CDH12: variants seen among roughly 807,000 people sequenced by gnomAD.
The protein encoded by CDH12 is cadherin-12.
CDH12 carries 41 observed loss-of-function variants against 74.1 expected under a neutral mutation model. The ratio of observed to expected loss-of-function variants is 0.55; its 90% CI spans 0.43 to 0.72. The LOEUF (loss-of-function observed/expected upper bound fraction) is 0.72. Among genes scored for constraint, CDH12 ranks in the 30% least tolerant of loss-of-function variants. CDH12 has a pLI of 0.00. For synonymous variants in CDH12, 399 were observed against 355.0 expected (o/e 1.12, Z -1.39); for missense variants, 945 against 977.2 (o/e 0.97, Z 0.44).
intron 8 of CDH12, among the ~76,000 whole-genome samples, chr5:21,822,869 TTTC>T (rs1306545296): frequency 6.6e-6 from 1 of 152,160 alleles, no homozygotes; most frequent in Non-Finnish European, 1.5e-5. Flanking sequence ...AATAGCAATA[TTTC>T]TTGTCTCTGA....
At chr5:22,214,953 C>G (rs910399883) in intron 3 of CDH12, among the ~76,000 whole-genome samples, 5 of 152,124 alleles carry the variant, frequency 3.3e-5, no homozygotes, top group Non-Finnish European at 5.9e-5. Context: ...TGAAAGTACA[C>G]ACATGAAGAA....
intron 5 of CDH12, among the ~76,000 whole-genome samples, chr5:22,036,040 T>C (rs1359725488): frequency 1.3e-5 from 2 of 152,148 alleles, no homozygotes; most frequent in Non-Finnish European, 2.9e-5. Context: ...GGCATTGACA[T>C]ATAAGGGCCA....
intron 5 of CDH12, among the ~76,000 whole-genome samples, chr5:22,011,284 A>C (rs544680325): frequency 1.2e-4 from 19 of 152,280 alleles, no homozygotes; most frequent in African/African-American, 4.1e-4. Context: ...GATCTTACAG[A>C]AGTGCTTTTA....
chr5:22,655,055 C>A (rs1739964677), intron 1 of CDH12, among the ~76,000 whole-genome samples: 1 of 152,170 alleles, frequency 6.6e-6, no homozygotes, highest in African/African-American at 2.4e-5. Flanking sequence ...CTTCCCTTAT[C>A]GTGACAAAAA....
intron 6 of CDH12, among the ~76,000 whole-genome samples, chr5:21,951,073 C>T (rs1270300391): frequency 1.3e-5 from 2 of 151,734 alleles, no homozygotes; most frequent in Non-Finnish European, 2.9e-5. Flanking sequence ...AGGCATGAGC[C>T]AGGGTGCCTG....
chr5:21,897,379 A>G (rs1753173190), intron 6 of CDH12, among the ~76,000 whole-genome samples: 1 of 152,244 alleles, frequency 6.6e-6, no homozygotes, highest in Non-Finnish European at 1.5e-5. Context: ...ATGTTTCCCA[A>G]GTGATACCTT....
chr5:22,821,363 T>G (rs185698605), intron 1 of CDH12, among the ~76,000 whole-genome samples: 46 of 152,224 alleles, frequency 3.0e-4, no homozygotes, highest in African/African-American at 1.0e-3. Flanking sequence ...CTATTCAACA[T>G]AGTGTTGCAA....
chr5:22,010,742 C>G (rs959785345), intron 5 of CDH12, among the ~76,000 whole-genome samples: 4 of 152,280 alleles, frequency 2.6e-5, no homozygotes, highest in Admixed American at 1.3e-4. Context: ...CAACAACATT[C>G]TCAGTCATCT....
At chr5:22,416,995 A>G (rs1345800887) in intron 2 of CDH12, among the ~76,000 whole-genome samples, 1 of 152,240 alleles carries the variant, frequency 6.6e-6, no homozygotes, top group Non-Finnish European at 1.5e-5. Flanking sequence ...GTTCTTAAAC[A>G]TATTAGTCTC....
chr5:22,231,346 T>A (rs1752376595), intron 3 of CDH12, among the ~76,000 whole-genome samples: 1 of 152,076 alleles, frequency 6.6e-6, no homozygotes, highest in South Asian at 2.1e-4. Flanking sequence ...TTACAGAGAA[T>A]TTATGAAGAA....
At chr5:22,674,252 A>C (rs1275718429) in intron 1 of CDH12, among the ~76,000 whole-genome samples, 1 of 152,180 alleles carries the variant, frequency 6.6e-6, no homozygotes, top group Admixed American at 6.5e-5. Flanking sequence ...TAATTGAATC[A>C]TAGGGGCAGG....
At chr5:22,507,307 CAAAA>C (rs569825052) in intron 1 of CDH12, among the ~76,000 whole-genome samples, 83 of 151,902 alleles carry the variant, frequency 5.5e-4, no homozygotes, top group African/African-American at 2.0e-3. Flanking sequence ...ATTTTTAAGA[CAAAA>C]AGTCTGAGTT....
chr5:22,018,977 T>C (rs1737788733), intron 5 of CDH12, among the ~76,000 whole-genome samples: 1 of 151,910 alleles, frequency 6.6e-6, no homozygotes, highest in Non-Finnish European at 1.5e-5. Flanking sequence ...GTGGAATTGC[T>C]TGAACCTGGG....
At chr5:21,884,317 T>C in intron 6 of CDH12, 3 of 1,239,434 alleles carry the variant, frequency 2.4e-6, no homozygotes, top group South Asian at 1.2e-5. Context: ...TTCTAACTCC[T>C]AGACTAGTGC....
intron 1 of CDH12, among the ~76,000 whole-genome samples, chr5:22,606,503 T>C (rs2126820074): frequency 6.6e-6 from 1 of 152,274 alleles, no homozygotes; most frequent in Non-Finnish European, 1.5e-5. Flanking sequence ...AGTGAGTGAG[T>C]TCTCACGAGA....
chr5:22,401,191 T>C (rs1337869868), intron 3 of CDH12, among the ~76,000 whole-genome samples: 1 of 152,166 alleles, frequency 6.6e-6, no homozygotes, highest in Non-Finnish European at 1.5e-5. Context: ...AGTTTTTTCC[T>C]GCACAAAACA....
At position 22,536,069 on chromosome 5, in the gene CDH12, G is replaced by A. The variant is rs145619152; in HGVS notation, c.-522-30705C>T. On this transcript the variant is annotated intron_variant, in intron 1 of 14. Coordinates refer to ENST00000382254, the MANE Select transcript of CDH12 (RefSeq NM_004061.5). ...TTATATGCAAAAACAATGCTATTTT[G>A]TATAAGGGACTTGAGTATCTTTGGG... Among the ~76,000 whole-genome samples the A allele has an allele frequency of 3.4e-3, 521 of 152,282 alleles. 3 individuals carry two copies. The highest frequency in any genetic ancestry group is 0.017 in the Middle Eastern group (5 of 294).
rs187265235 is a variant in CDH12, at chr5:21,828,510, G to A, written c.815-11378C>T. ...TGGTTTTCTTCTGAGACACAGGAGA[G>A]TAGTCTAAAAAAGATGAAATTTGGT... On this transcript the variant is annotated intron_variant, in intron 8 of 14. Transcript: ENST00000382254. 3.4e-3 allele frequency among the ~76,000 whole-genome samples: 518 copies of A among 152,248 alleles called. 2 individuals are homozygous for A. The highest frequency in any genetic ancestry group is 0.011 in the African/African-American group (477 of 41,554).
At chr5:22,567,822 T>C (rs956067776) in intron 1 of CDH12, among the ~76,000 whole-genome samples, 3 of 152,234 alleles carry the variant, frequency 2.0e-5, no homozygotes, top group Admixed American at 6.5e-5. Context: ...CAGATGTAGA[T>C]GTAGGATCAG....
Sources: allele counts gnomAD v4.1 joint callset (sites outside exome capture counted in the v4.1 genomes callset), GRCh38; gene constraint gnomAD v4.1.1; transcripts MANE v1.5; gene names NCBI Gene and HGNC (gene_info 2026-07-23, HGNC 2026-07-21).